Variants in KCTD1 observed in about 807,000 individuals in gnomAD.
The protein encoded by KCTD1 is BTB/POZ domain-containing protein KCTD1.
KCTD1 carries 24 observed loss-of-function variants against 66.0 expected under a neutral mutation model. That is an observed-to-expected ratio of 0.36 (90% confidence interval 0.26 to 0.51). The LOEUF (loss-of-function observed/expected upper bound fraction) is 0.51, where lower values mean the gene tolerates loss of function less well. Among genes scored for constraint, KCTD1 ranks in the 20% least tolerant of loss-of-function variants. KCTD1 has a pLI of 0.95. For missense variants in KCTD1, 943 were observed against 1,205.2 expected (o/e 0.78, Z 3.22); for synonymous variants, 511 against 517.2 (o/e 0.99, Z 0.16).
upstream of KCTD1, among the ~76,000 whole-genome samples, chr18:26,644,180 C>T (rs1213063825): frequency 1.3e-5 from 2 of 152,072 alleles, no homozygotes; most frequent in African/African-American, 2.4e-5. Context: ...TAGTGCCTAA[C>T]ATAGAAAAAG....
At chr18:26,464,541 A>G (rs1261833426) in intron 3 of KCTD1, among the ~76,000 whole-genome samples, 2 of 152,336 alleles carry the variant, frequency 1.3e-5, no homozygotes, top group African/African-American at 4.8e-5. Flanking sequence ...GGTTCTGCAA[A>G]ACAGTTGAAA....
Position 26,573,993 on chromosome 18 carries a change from C to A in KCTD1, c.-16+55154G>T, listed in dbSNP as rs1298665857. ...TCATTGTGACAACCAAAAGACCCCC[C>A]AGGTTTCCATCAAACCCCTTCTTGA... On this transcript the variant is annotated intron_variant, in intron 1 of 4. Transcript: ENST00000317932. 4.6e-5 allele frequency among the ~76,000 whole-genome samples: 7 copies of A among 152,202 alleles called. No homozygotes were observed. The East Asian group carries it at 1.4e-3, about 29-fold the overall frequency.
intron 1 of KCTD1, among the ~76,000 whole-genome samples, chr18:26,613,965 C>T (rs1987192407): frequency 6.6e-6 from 1 of 152,186 alleles, no homozygotes; most frequent in Admixed American, 6.5e-5. Context: ...CCTGCCCATC[C>T]TACTTAACAG....
At position 26,496,771 on chromosome 18, in the gene KCTD1, T is replaced by C. The variant is rs572663607; in HGVS notation, c.1988+4301A>G. 5.6e-5 allele frequency among the ~76,000 whole-genome samples: 8 copies of C among 143,614 alleles called. No individual in the cohort carries two copies. The East Asian group carries it at 1.0e-3, about 18-fold the overall frequency. The allele number at this position is 143,614 out of a possible 152,430, so 94.2% of individuals were successfully genotyped here. A position where few individuals can be genotyped will look rare whatever the true frequency, so the allele number is the denominator to read the frequency against. ...ACACACACACACACACACACACGCA[T>C]TGGAACCACTGGTAACCTTGGTAAT... On this transcript the variant is annotated intron_variant, in intron 2 of 4. Transcript: ENST00000580059.
intron 3 of KCTD1, among the ~76,000 whole-genome samples, chr18:26,464,434 CCTTAA>C (rs1219582821): frequency 6.6e-6 from 1 of 152,226 alleles, no homozygotes; most frequent in African/African-American, 2.4e-5. Context: ...ATCTCAAGAC[CCTTAA>C]CTTAATCACA....
At chr18:26,616,141 C>CTTTTT (rs11354165) in intron 1 of KCTD1, among the ~76,000 whole-genome samples, 4 of 138,104 alleles carry the variant, frequency 2.9e-5, no homozygotes, top group Admixed American at 7.2e-5. Flanking sequence ...TTAAGTGTTT[C>CTTTTT]TTTTTTTTTT....
At chr18:26,622,767 G>T (rs990446613) in intron 1 of KCTD1, among the ~76,000 whole-genome samples, 1 of 152,094 alleles carries the variant, frequency 6.6e-6, no homozygotes, top group Non-Finnish European at 1.5e-5. Flanking sequence ...AGGGTAGAGA[G>T]GGGGTGGCGG....
intron 1 of KCTD1, among the ~76,000 whole-genome samples, chr18:26,623,031 C>T (rs1004970774): frequency 1.3e-5 from 2 of 152,128 alleles, no homozygotes; most frequent in Non-Finnish European, 2.9e-5. Flanking sequence ...TGTTGAACAT[C>T]TTTTCTGTCT....
intron 4 of KCTD1, chr18:26,456,188 A>G: frequency 3.5e-6 from 1 of 289,366 alleles, no homozygotes; most frequent in Non-Finnish European, 6.4e-6. Flanking sequence ...GTTCATGGCT[A>G]GTCAGTGATG....
intron 1 of KCTD1, among the ~76,000 whole-genome samples, chr18:26,506,509 A>T (rs967520420): frequency 3.7e-4 from 57 of 152,194 alleles, no homozygotes; most frequent in African/African-American, 1.4e-3. Flanking sequence ...AGCACATGGT[A>T]CCTTTCAGAA....
At chr18:26,602,462 T>C (rs879826351) in intron 1 of KCTD1, among the ~76,000 whole-genome samples, 4 of 152,220 alleles carry the variant, frequency 2.6e-5, no homozygotes, top group Non-Finnish European at 4.4e-5. Flanking sequence ...ATAGAATAAG[T>C]TGGGAATTGT....
At chr18:26,532,826 CT>C (rs1364450265) in intron 1 of KCTD1, among the ~76,000 whole-genome samples, 1 of 152,208 alleles carries the variant, frequency 6.6e-6, no homozygotes, top group Non-Finnish European at 1.5e-5. Flanking sequence ...TGCTCAGTTA[CT>C]TCCATCTATA....
chr18:26,589,939 G>A (rs997044398), intron 1 of KCTD1, among the ~76,000 whole-genome samples: 2 of 152,144 alleles, frequency 1.3e-5, no homozygotes, highest in African/African-American at 4.8e-5. Flanking sequence ...CAGATTATTG[G>A]CAGCCACCTT....
intron 1 of KCTD1, among the ~76,000 whole-genome samples, chr18:26,648,516 C>T (rs1235868547): frequency 3.3e-5 from 5 of 152,184 alleles, no homozygotes; most frequent in African/African-American, 7.2e-5. Context: ...GAAGTATTTA[C>T]ACCTCTTTGG....
intron 1 of KCTD1, among the ~76,000 whole-genome samples, chr18:26,616,227 A>G (rs1287791395): frequency 1.3e-5 from 2 of 150,228 alleles, no homozygotes; most frequent in Non-Finnish European, 2.9e-5. Context: ...ATGGCTCATC[A>G]TCATGGGTCT....
At chr18:26,647,324 T>C (rs1237822717) in intron 1 of KCTD1, among the ~76,000 whole-genome samples, 1 of 69,376 alleles carries the variant, frequency 1.4e-5, no homozygotes, top group African/African-American at 4.5e-5. Context: ...CTGGCCAAGA[T>C]AGTGAAACCC....
At chr18:26,467,864 T>C (rs561965463) in intron 3 of KCTD1, among the ~76,000 whole-genome samples, 19 of 152,320 alleles carry the variant, frequency 1.2e-4, no homozygotes, top group Non-Finnish European at 2.2e-4. Flanking sequence ...CAATAGACTT[T>C]TGAACATATC....
intron 4 of KCTD1, 53 bp from the exon 5 acceptor site, chr18:26,455,954 T>C: frequency 6.4e-7 from 1 of 1,558,458 alleles, no homozygotes; most frequent in African/African-American, 1.4e-5. Context: ...GTCCTATGGC[T>C]ACATAAACAC....
intron 1 of KCTD1, among the ~76,000 whole-genome samples, chr18:26,576,193 A>G (rs897009828): frequency 6.6e-6 from 1 of 152,166 alleles, no homozygotes; most frequent in Non-Finnish European, 1.5e-5. Flanking sequence ...TCGTAATTGT[A>G]TGTTATTGTT....
Sources: gnomAD v4.1 joint callset for allele counts (sites outside exome capture counted in the v4.1 genomes callset) on GRCh38, gnomAD v4.1.1 for gene constraint, MANE v1.5 for transcripts, NCBI Gene and HGNC (gene_info 2026-07-23, HGNC 2026-07-21) for gene names.